NCALD: variants seen among roughly 807,000 people sequenced by gnomAD.
NCALD encodes neurocalcin delta.
Under a neutral mutation model 18.6 loss-of-function variants are expected in NCALD, and 10 were observed. The ratio of observed to expected loss-of-function variants is 0.54; its 90% CI spans 0.33 to 0.91. NCALD has a LOEUF of 0.91. NCALD is among the 40% of genes least tolerant of loss of function. NCALD has a pLI of 0.03. For missense variants in NCALD, 184 were observed against 247.6 expected, an observed-to-expected ratio of 0.74 and a Z score of 1.72; for synonymous variants, 88 against 87.4, an observed-to-expected ratio of 1.01 and a Z score of -0.04.
chr8:101,691,250 AC>A (rs149640152), intron 3 of NCALD: 6 of 984,526 alleles, frequency 6.1e-6, no homozygotes, highest in Non-Finnish European at 7.2e-6. Context: ...TACAGCTCCC[AC>A]CCCCCTCTCC....
intron 4 of NCALD, among the ~76,000 whole-genome samples, chr8:101,876,504 T>G (rs1410903143): frequency 2.6e-5 from 4 of 152,214 alleles, no homozygotes. Flanking sequence ...CCATGACAGT[T>G]GTAGGCATCC....
chr8:101,890,896 A>G (rs1361137353), intron 3 of NCALD, among the ~76,000 whole-genome samples: 1 of 152,234 alleles, frequency 6.6e-6, no homozygotes, highest in African/African-American at 2.4e-5. Context: ...TTTAACACAA[A>G]TGTCCATCAA....
chr8:101,810,878 A>T (rs1291232944), intron 4 of NCALD, among the ~76,000 whole-genome samples: 1 of 152,228 alleles, frequency 6.6e-6, no homozygotes, highest in East Asian at 1.9e-4. Flanking sequence ...AAAATCAAAT[A>T]TATAAAAATC....
At chr8:101,709,506 T>TTTG (rs1815688156) in intron 2 of NCALD, among the ~76,000 whole-genome samples, 1 of 152,216 alleles carries the variant, frequency 6.6e-6, no homozygotes, top group Non-Finnish European at 1.5e-5. Flanking sequence ...TCAAGGGTCT[T>TTTG]AGTTACTTTT....
intron 4 of NCALD, among the ~76,000 whole-genome samples, chr8:101,878,139 C>T (rs1258276132): frequency 1.3e-5 from 2 of 152,160 alleles, no homozygotes; most frequent in Non-Finnish European, 2.9e-5. Context: ...TTTTTCTTGG[C>T]TGTTAACATT....
At chr8:101,743,719 C>T (rs1278925333) in intron 1 of NCALD, among the ~76,000 whole-genome samples, 1 of 152,132 alleles carries the variant, frequency 6.6e-6, no homozygotes, top group Non-Finnish European at 1.5e-5. Context: ...GACAATAAAC[C>T]AATCTCTTCA....
intron 3 of NCALD, among the ~76,000 whole-genome samples, chr8:101,893,521 T>C (rs1296628705): frequency 3.8e-5 from 5 of 131,126 alleles, no homozygotes; most frequent in East Asian, 4.3e-4. Flanking sequence ...CAATATTAAC[T>C]TTAAATGTAA....
At chr8:101,833,610 G>GTTTTTTTTTTTTT (rs555031298) in intron 4 of NCALD, among the ~76,000 whole-genome samples, 8 of 88,460 alleles carry the variant, frequency 9.0e-5, no homozygotes, top group African/African-American at 1.3e-4. Flanking sequence ...TTTGTTTCTT[G>GTTTTTTTTTTTTT]TTTTTTTTTT....
At chr8:101,690,473 G>A (rs975812974) in intron 3 of NCALD, 97 of 985,308 alleles carry the variant, frequency 9.8e-5, no homozygotes, top group Non-Finnish European at 1.1e-4. Flanking sequence ...TTTTCAGCAC[G>A]TCCTTGGACT....
chr8:102,052,592 A>G lies in NCALD; in HGVS notation c.-209-32303T>C, dbSNP rs141197851. On this transcript the variant is annotated intron_variant, in intron 1 of 6. Coordinates refer to the NCALD transcript ENST00000311028. ...AACTTTATTTTCCTTAAAGACTTCCATCTCTTCCCCAACCTGGTAACAGTT... is the reference window on the plus strand; with the variant it reads ...AACTTTATTTTCCTTAAAGACTTCCGTCTCTTCCCCAACCTGGTAACAGTT... Among the ~76,000 whole-genome samples, 754 of 152,372 alleles carry G rather than the reference A, an allele frequency of 4.9e-3. 4 individuals are homozygous for G. Among genetic ancestry groups the G allele is most frequent in the African/African-American group, 0.017 (719 of 41,590 alleles).
chr8:102,032,559 C>A (rs1342941940), intron 1 of NCALD, among the ~76,000 whole-genome samples: 1 of 131,562 alleles, frequency 7.6e-6, no homozygotes, highest in Non-Finnish European at 1.5e-5. Context: ...CTAACTCATA[C>A]ATAATGGATA....
chr8:101,809,152 T>C (rs963445397), intron 4 of NCALD, among the ~76,000 whole-genome samples: 2 of 152,336 alleles, frequency 1.3e-5, no homozygotes, highest in African/African-American at 4.8e-5. Context: ...TTTATTTCTC[T>C]GAGTATTAAA....
intron 1 of NCALD, among the ~76,000 whole-genome samples, chr8:102,031,812 G>T (rs774386076): frequency 5.3e-5 from 8 of 152,130 alleles, no homozygotes; most frequent in Non-Finnish European, 7.4e-5. Flanking sequence ...TGAAAGGAAA[G>T]ATGTTCATTA....
intron 2 of NCALD, among the ~76,000 whole-genome samples, chr8:101,941,976 C>G (rs981276983): frequency 1.3e-5 from 2 of 152,160 alleles, no homozygotes; most frequent in African/African-American, 4.8e-5. Flanking sequence ...AATGACTCAT[C>G]TTTTTCTCAG....
At chr8:102,006,098 G>T (rs1021968591) in intron 2 of NCALD, among the ~76,000 whole-genome samples, 8 of 151,682 alleles carry the variant, frequency 5.3e-5, no homozygotes, top group African/African-American at 1.9e-4. Flanking sequence ...AACCTTACAA[G>T]GTAGTATATG....
At position 101,717,466 on chromosome 8, in the gene NCALD, G is replaced by C. The variant is rs1445163566; in HGVS notation, c.378+1786C>G. 4.6e-5 allele frequency among the ~76,000 whole-genome samples: 7 copies of C among 152,088 alleles called. No homozygotes were observed. In the East Asian group the frequency reaches 1.3e-3, roughly 29 times the overall value. Reference sequence around the variant, plus strand: ...TGAATTTCTGAGTCGTGGAGGGACGGGATTCAGCTAAGAATTTATGTATCA... The same window carrying C: ...TGAATTTCTGAGTCGTGGAGGGACGCGATTCAGCTAAGAATTTATGTATCA... On this transcript the variant is annotated intron_variant, in intron 2 of 3. Coordinates refer to ENST00000220931, the MANE Select transcript of NCALD (RefSeq NM_032041.3).
intron 1 of NCALD, among the ~76,000 whole-genome samples, chr8:102,050,195 A>AAAAAAAAAAAAT (rs1823394030): frequency 7.4e-6 from 1 of 134,832 alleles, no homozygotes; most frequent in Non-Finnish European, 1.6e-5. Flanking sequence ...AAAAAAAAAA[A>AAAAAAAAAAAAT]TTGAGCTGTT....
intron 1 of NCALD, among the ~76,000 whole-genome samples, chr8:101,738,228 T>C (rs1412958196): frequency 1.3e-5 from 2 of 152,078 alleles, no homozygotes; most frequent in African/African-American, 4.8e-5. Flanking sequence ...GTATACTCAC[T>C]ACAAAGCTGG....
chr8:101,860,889 G>A (rs758128801), intron 4 of NCALD, among the ~76,000 whole-genome samples: 90 of 152,050 alleles, frequency 5.9e-4, no homozygotes, highest in Non-Finnish European at 2.6e-4. Flanking sequence ...TGCCTGTACC[G>A]ACCCCTGAAA....
Sources: allele counts gnomAD v4.1 joint callset (sites outside exome capture counted in the v4.1 genomes callset), GRCh38; gene constraint gnomAD v4.1.1; transcripts MANE v1.5; gene names NCBI Gene and HGNC (gene_info 2026-07-23, HGNC 2026-07-21).